The following HMCN1 variants were observed in gnomAD, a reference collection of about 807,000 sequenced individuals.
The protein encoded by HMCN1 is hemicentin 1.
In HMCN1, 321 loss-of-function variants were observed where a neutral mutation model predicts 625.9. The observed-to-expected ratio is 0.51, with a 90% CI of 0.47 to 0.56. The LOEUF (loss-of-function observed/expected upper bound fraction) is 0.56. Among genes scored for constraint, HMCN1 ranks in the 20% least tolerant of loss-of-function variants. The pLI, the probability that HMCN1 is intolerant of heterozygous loss-of-function variation, is 0.00. For synonymous variants in HMCN1, 2,425 were observed against 2,417.6 expected (o/e 1.00, Z -0.09); for missense variants, 6,588 against 6,887.3 (o/e 0.96, Z 1.54).
Position 186,087,662 on chromosome 1 carries a change from T to G in HMCN1, c.9363+17T>G, listed in dbSNP as rs1207189614. 4 of 1,609,314 alleles carry G rather than the reference T, an allele frequency of 2.5e-6. No homozygotes were observed. Among genetic ancestry groups the G allele is most frequent in the Non-Finnish European group, 3.4e-6 (4 of 1,176,110 alleles). The stretch of plus-strand genomic sequence containing the variant: ...AAAGCTGAGGTGCATCTTTTATTCT[T>G]GTTTGAGTGTCATGACACCTTGGTG... On this transcript the variant is annotated intron_variant, in intron 60 of 106. Coordinates refer to ENST00000271588, the MANE Select transcript of HMCN1 (RefSeq NM_031935.3).
rs748508664 is a variant in HMCN1 at position 186,045,783 on chromosome 1, A to G, written c.6400A>G (p.Thr2134Ala). The change falls in exon 41 of 107, where the codon ACT (threonine) becomes GCT (alanine). Residue 2134 changes from threonine (T) to alanine (A), a missense_variant. Thr to Ala is a moderately conservative substitution (Grantham distance 58). Coordinates refer to ENST00000271588, the MANE Select transcript of HMCN1 (RefSeq NM_031935.3). Reference protein sequence around the residue: ...LCQSDAIPPPTLTWLKDGHPL... With the variant: ...LCQSDAIPPPALTWLKDGHPL... ...TCAAAGTGATGCTATTCCCCCACCT[A>G]CTCTTACTTGGTTAAAAGACGGCCA... 6.2e-7 allele frequency: 1 copy of G among 1,612,368 alleles called. No homozygotes were observed. Among genetic ancestry groups the G allele is most frequent in the Non-Finnish European group, 8.5e-7 (1 of 1,178,782 alleles).
chr1:185,964,809 G>A (rs944623845), intron 13 of HMCN1, among the ~76,000 whole-genome samples: 1 of 152,060 alleles, frequency 6.6e-6, no homozygotes, highest in Non-Finnish European at 1.5e-5. Flanking sequence ...TTGAAAGGTT[G>A]TGGCAAAGGG....
At chr1:186,188,361 T>A (rs2102684426) in intron 106 of HMCN1, among the ~76,000 whole-genome samples, 1 of 152,274 alleles carries the variant, frequency 6.6e-6, no homozygotes. Flanking sequence ...CTCAGGGTGG[T>A]AAGGGCTCTG....
intron 93 of HMCN1, among the ~76,000 whole-genome samples, chr1:186,149,886 C>CA (rs1307514824): frequency 1.3e-5 from 2 of 152,124 alleles, no homozygotes; most frequent in Non-Finnish European, 2.9e-5. Context: ...AGTCAGAACA[C>CA]ACAAAACATT....
In HMCN1 at chr1:186,151,371, CT is replaced by C. The variant is rs768169859; in HGVS notation, c.14758+27del. On this transcript the variant is annotated intron_variant, in intron 94 of 106. Coordinates refer to ENST00000271588, the MANE Select transcript of HMCN1 (RefSeq NM_031935.3). ...CTTGGTAAGTCTTTGCCTCAAGCCT[CT>C]TTTTAAAAACTTATATATTATTCTT... is the stretch of plus-strand genomic sequence containing the variant. 8 of 1,607,090 alleles carry C rather than the reference CT, an allele frequency of 5.0e-6. No individual in the cohort carries two copies. In the African/African-American group the frequency reaches 1.1e-4, roughly 21 times the overall value.
intron 4 of HMCN1, among the ~76,000 whole-genome samples, chr1:185,891,709 G>A (rs1665097984): frequency 6.8e-6 from 1 of 147,932 alleles, no homozygotes; most frequent in African/African-American, 2.7e-5. Context: ...TCCCTTTGAG[G>A]GTAACCCGAC....
Position 186,068,016 on chromosome 1 carries a change from T to C in HMCN1, c.7879+9T>C. 1 of 1,610,324 alleles carries C rather than the reference T, an allele frequency of 6.2e-7. No homozygotes were observed. Among genetic ancestry groups the C allele is most frequent in the Non-Finnish European group, 8.5e-7 (1 of 1,176,698 alleles). On this transcript the variant is annotated intron_variant, in intron 50 of 106. Transcript: ENST00000271588. ...TATTCGTATTCTTCCAGGTAATTCA[T>C]TTGCTTCAGATGTCCAAGATGCATC... is the stretch of plus-strand genomic sequence containing the variant.
intron 104 of HMCN1, 70 bp from the exon 105 acceptor site, chr1:186,182,098 A>G (rs1652968985): frequency 6.4e-7 from 1 of 1,567,820 alleles, no homozygotes; most frequent in Non-Finnish European, 8.8e-7. Flanking sequence ...CAACTTGATG[A>G]GAGTTGGCTC....
In HMCN1 at chr1:186,076,693, A is replaced by C. The variant is rs916137478; in HGVS notation, c.8485+71A>C. On this transcript the variant is annotated intron_variant, in intron 54 of 106. Coordinates refer to ENST00000271588, the MANE Select transcript of HMCN1 (RefSeq NM_031935.3). The stretch of plus-strand genomic sequence containing the variant: ...TGTGTTTCCTCTCATGTATTAGACG[A>C]ATTGAATTGGTTGGGTCTCTGGCTA... The C allele has an allele frequency of 1.1e-5, 16 of 1,457,058 alleles. No individual in the cohort carries two copies. The Middle Eastern group carries it at 5.2e-4, about 47-fold the overall frequency. 90.3% of individuals were successfully genotyped at this position (1,457,058 alleles called of 1,614,324 possible). A position where few individuals can be genotyped will look rare whatever the true frequency, so the allele number is the denominator to read the frequency against.
At chr1:185,920,373 T>C (rs1666943906) in intron 6 of HMCN1, among the ~76,000 whole-genome samples, 1 of 152,156 alleles carries the variant, frequency 6.6e-6, no homozygotes, top group African/African-American at 2.4e-5. Flanking sequence ...AACACTTAAA[T>C]TCATCAAAGA....
chr1:186,185,087 A>G (rs952096977), intron 105 of HMCN1, among the ~76,000 whole-genome samples: 2 of 152,182 alleles, frequency 1.3e-5, no homozygotes, highest in African/African-American at 4.8e-5. Flanking sequence ...TAGAAAGTGT[A>G]TATTTCTATA....
intron 4 of HMCN1, among the ~76,000 whole-genome samples, chr1:185,872,866 T>C (rs533277765): frequency 6.6e-6 from 1 of 152,280 alleles, no homozygotes; most frequent in Admixed American, 6.5e-5. Context: ...TAAGTTTCAC[T>C]ATGAAAGTAT....
chr1:185,989,738 G>A (rs1175202861), intron 21 of HMCN1, 91 bp downstream of exon 21: 4 of 1,113,636 alleles, frequency 3.6e-6, no homozygotes, highest in Non-Finnish European at 5.3e-6. Flanking sequence ...CCAGATGCAT[G>A]TACCCCTAAA....
At position 186,086,124 on chromosome 1, in the gene HMCN1, G is replaced by C. The variant is rs141530407; in HGVS notation, c.8885-122G>C. The C allele has an allele frequency of 3.2e-5, 28 of 876,464 alleles. No individual in the cohort carries two copies. The South Asian group carries it at 4.0e-4, about 13-fold the overall frequency. 54.3% of individuals were successfully genotyped at this position (876,464 alleles called of 1,614,324 possible). A position where few individuals can be genotyped will look rare whatever the true frequency, so the allele number is the denominator to read the frequency against. On this transcript the variant is annotated intron_variant, in intron 57 of 106. Transcript: ENST00000271588. ...TAGGGAATTGTAAGACAGACAGCTAGATAATGAACAGAATCGTTAACTCAG... is the reference window on the plus strand; with the variant it reads ...TAGGGAATTGTAAGACAGACAGCTACATAATGAACAGAATCGTTAACTCAG...
chr1:185,740,794 G>A (rs1004516890), intron 1 of HMCN1, among the ~76,000 whole-genome samples: 1 of 152,090 alleles, frequency 6.6e-6, no homozygotes, highest in Non-Finnish European at 1.5e-5. Flanking sequence ...AGGAGTTCAA[G>A]ACCAGCCTGG....
In HMCN1 at chr1:185,990,307, C is replaced by G; in HGVS notation, c.3241C>G (p.Leu1081Val). The change falls in exon 22 of 107, where the codon CTG becomes GTG. Residue 1081 changes from leucine to valine, a missense_variant. Physicochemically the swap from Leu to Val is conservative, Grantham distance 32 (BLOSUM62 1). Coordinates refer to ENST00000271588, the MANE Select transcript of HMCN1 (RefSeq NM_031935.3). ...CAGAGTGTTTGGAGATCAACGAGGA[C>G]TGTCCCAGGATAAGCCTGTTGAGAT... ...RPRVFGDQRGLSQDKPVEISV... is the reference protein window; with the variant it reads ...RPRVFGDQRGVSQDKPVEISV... The G allele has an allele frequency of 6.2e-7, 1 of 1,614,010 alleles. No individual in the cohort carries two copies. Among genetic ancestry groups the G allele is most frequent in the Non-Finnish European group, 8.5e-7 (1 of 1,179,882 alleles).
chr1:186,040,870 T>G, intron 39 of HMCN1, 143 bp from the exon 40 acceptor site: 1 of 797,228 alleles, frequency 1.3e-6, no homozygotes, highest in South Asian at 1.5e-5. Context: ...TATATGATGT[T>G]TGCCTACTTA....
At chr1:185,803,570 C>T (rs1425887409) in intron 1 of HMCN1, among the ~76,000 whole-genome samples, 64 of 152,028 alleles carry the variant, frequency 4.2e-4, no homozygotes, top group Admixed American at 6.5e-5. Context: ...AAAAGATATT[C>T]TTTCAACATT....
intron 1 of HMCN1, among the ~76,000 whole-genome samples, chr1:185,765,219 C>T (rs1010622559): frequency 8.6e-5 from 13 of 152,038 alleles, no homozygotes; most frequent in South Asian, 4.2e-4. Flanking sequence ...AGAGTAAAGA[C>T]GGTCATGAGA....
Sources: gnomAD v4.1 joint callset for allele counts (sites outside exome capture counted in the v4.1 genomes callset) on GRCh38, gnomAD v4.1.1 for gene constraint, MANE v1.5 for transcripts, NCBI Gene and HGNC (gene_info 2026-07-23, HGNC 2026-07-21) for gene names.